The following THSD7A variants were observed in gnomAD, a reference collection of about 807,000 sequenced individuals.
THSD7A encodes the protein thrombospondin type-1 domain-containing protein 7A.
THSD7A carries 96 observed loss-of-function variants against 231.3 expected under a neutral mutation model. That is an observed-to-expected ratio of 0.41 (90% CI 0.35 to 0.49). The LOEUF is 0.49. Among genes scored for constraint, THSD7A ranks in the 20% least tolerant of loss-of-function variants. The probability of loss-of-function intolerance (pLI) is 0.05; values close to 1 mark genes in which losing one functional copy is unlikely to be tolerated. For synonymous variants in THSD7A, 940 were observed against 743.3 expected (o/e 1.26, Z -4.30); for missense variants, 2,290 against 2,070.2 (o/e 1.11, Z -2.06).
chr7:11,582,126 G>A (rs1052265596), intron 4 of THSD7A, among the ~76,000 whole-genome samples: 1 of 151,772 alleles, frequency 6.6e-6, no homozygotes, highest in African/African-American at 2.4e-5. Flanking sequence ...AAAAAAATCG[G>A]TATTTTTTTC....
At chr7:11,654,018 G>C (rs2128369914) in intron 1 of THSD7A, among the ~76,000 whole-genome samples, 1 of 151,926 alleles carries the variant, frequency 6.6e-6, no homozygotes, top group East Asian at 1.9e-4. Flanking sequence ...GAACATTGAG[G>C]AGAAGAAGAA....
chr7:11,424,329 C>T (rs1784247664), intron 16 of THSD7A, among the ~76,000 whole-genome samples: 1 of 152,050 alleles, frequency 6.6e-6, no homozygotes, highest in Admixed American at 6.5e-5. Flanking sequence ...ATTCAGTTAG[C>T]CAGTTTGATA....
chr7:11,742,714 TG>T (rs1235191229), intron 1 of THSD7A, among the ~76,000 whole-genome samples: 1 of 152,048 alleles, frequency 6.6e-6, no homozygotes, highest in African/African-American at 2.4e-5. Flanking sequence ...TAAGGATCCC[TG>T]CTGTTGCTGC....
chr7:11,588,602 T>G (rs1780014238), intron 4 of THSD7A, among the ~76,000 whole-genome samples: 1 of 152,200 alleles, frequency 6.6e-6, no homozygotes, highest in African/African-American at 2.4e-5. Context: ...CTGCAGTGAT[T>G]TAGCAGTGGT....
chr7:11,666,032 G>A (rs563581308), intron 1 of THSD7A, among the ~76,000 whole-genome samples: 6 of 152,126 alleles, frequency 3.9e-5, no homozygotes, highest in South Asian at 4.1e-4. Context: ...TTACTACACT[G>A]ATTCCCAATT....
At chr7:11,447,192 T>C in intron 12 of THSD7A, 38 bp downstream of exon 12, 1 of 1,596,066 alleles carries the variant, frequency 6.3e-7, no homozygotes, top group Non-Finnish European at 8.6e-7. Context: ...TTCCTCTACT[T>C]TGACGTGTAC....
At chr7:11,452,451 G>T (rs1785174759) in intron 11 of THSD7A, among the ~76,000 whole-genome samples, 1 of 151,938 alleles carries the variant, frequency 6.6e-6, no homozygotes. Flanking sequence ...GTGTAGCCCT[G>T]GCACAATGGA....
intron 1 of THSD7A, among the ~76,000 whole-genome samples, chr7:11,740,692 A>T (rs1583244956): frequency 6.6e-6 from 1 of 151,882 alleles, no homozygotes; most frequent in Non-Finnish European, 1.5e-5. Flanking sequence ...CAGTGTTTAT[A>T]TACCTTCTCC....
chr7:11,543,723 A>G (rs1279378529), intron 4 of THSD7A, among the ~76,000 whole-genome samples: 1 of 152,242 alleles, frequency 6.6e-6, no homozygotes, highest in Non-Finnish European at 1.5e-5. Context: ...ACACAAATCT[A>G]GTAATCACTA....
intron 4 of THSD7A, among the ~76,000 whole-genome samples, chr7:11,549,277 C>T (rs1789527483): frequency 6.6e-6 from 1 of 152,036 alleles, no homozygotes; most frequent in Non-Finnish European, 1.5e-5. Flanking sequence ...AATAGGAATG[C>T]TTTTACACTG....
chr7:11,721,646 C>A lies in THSD7A; in HGVS notation c.191-84685G>T, dbSNP rs563702404. On this transcript the variant is annotated intron_variant, in intron 1 of 27. Coordinates refer to ENST00000423059, the MANE Select transcript of THSD7A (RefSeq NM_015204.3). ...CTGATGCCTCTCATCTGGATTACTA[C>A]TGATAGAAGCTGCTAACTCTTTCTT... Among the ~76,000 whole-genome samples, 27 of 152,028 alleles carry A rather than the reference C, an allele frequency of 1.8e-4. No homozygotes were observed. In the South Asian group the frequency reaches 3.3e-3, roughly 19 times the overall value.
intron 1 of THSD7A, among the ~76,000 whole-genome samples, chr7:11,729,964 C>A (rs79251974): frequency 0.02 from 2,965 of 151,694 alleles, 103 homozygotes; most frequent in African/African-American, 0.068. Context: ...ACTGATTGAC[C>A]TTAGCAAAGA....
At chr7:11,651,004 T>C (rs546190933) in intron 1 of THSD7A, among the ~76,000 whole-genome samples, 7 of 152,034 alleles carry the variant, frequency 4.6e-5, no homozygotes, top group Non-Finnish European at 7.4e-5. Context: ...GCAAGCAAAA[T>C]TGACATGTGT....
intron 2 of THSD7A, among the ~76,000 whole-genome samples, chr7:11,605,738 G>T (rs994468352): frequency 2.6e-5 from 4 of 152,088 alleles, no homozygotes; most frequent in African/African-American, 9.7e-5. Context: ...GGATAGGCTG[G>T]AGGAAAAAGC....
chr7:11,610,205 C>T (rs974940663), intron 2 of THSD7A, among the ~76,000 whole-genome samples: 9 of 152,146 alleles, frequency 5.9e-5, no homozygotes, highest in African/African-American at 1.2e-4. Context: ...ACATAGAAAA[C>T]GACACTTGAT....
At chr7:11,684,932 T>C (rs1258541518) in intron 1 of THSD7A, among the ~76,000 whole-genome samples, 1 of 151,396 alleles carries the variant, frequency 6.6e-6, no homozygotes, top group Non-Finnish European at 1.5e-5. Flanking sequence ...CTAAAGAAAA[T>C]GAACAAAGCT....
intron 1 of THSD7A, among the ~76,000 whole-genome samples, chr7:11,785,348 C>A (rs956531679): frequency 6.6e-6 from 1 of 152,096 alleles, no homozygotes; most frequent in Non-Finnish European, 1.5e-5. Context: ...GTGAACCCCC[C>A]ACCTCAGCCT....
At chr7:11,425,451 G>A (rs565101883) in intron 15 of THSD7A, among the ~76,000 whole-genome samples, 120 of 152,014 alleles carry the variant, frequency 7.9e-4, no homozygotes, top group African/African-American at 2.8e-3. Context: ...TCTGATATTG[G>A]TGTACAAGCC....
intron 1 of THSD7A, among the ~76,000 whole-genome samples, chr7:11,658,985 A>G (rs1018876306): frequency 5.9e-5 from 9 of 151,768 alleles, no homozygotes; most frequent in African/African-American, 2.2e-4. Context: ...CTTTGACTCA[A>G]ACTGCACTTT....
Sources: allele counts gnomAD v4.1 joint callset (sites outside exome capture counted in the v4.1 genomes callset), GRCh38; gene constraint gnomAD v4.1.1; transcripts MANE v1.5; gene names NCBI Gene and HGNC (gene_info 2026-07-23, HGNC 2026-07-21).